Variants in KIF26B observed in about 807,000 individuals in gnomAD.
The protein encoded by KIF26B is kinesin-like protein KIF26B.
In KIF26B, 63 loss-of-function variants were observed where a neutral mutation model predicts 151.2. That is an observed-to-expected ratio of 0.42 (90% CI 0.34 to 0.51). The LOEUF (loss-of-function observed/expected upper bound fraction) is 0.51. Ranked by LOEUF, KIF26B falls within the 20% of genes least tolerant of loss-of-function variation. The pLI is 0.07. For synonymous variants in KIF26B, 1,357 were observed against 1,262.1 expected, an observed-to-expected ratio of 1.08 and a Z score of -1.59; for missense variants, 2,813 against 2,913.6, an observed-to-expected ratio of 0.97 and a Z score of 0.79.
In KIF26B at chr1:245,609,486, C is replaced by T. The variant is rs750519480; in HGVS notation, c.1872C>T (p.Ser624=). 4 of 1,597,064 alleles carry T rather than the reference C, an allele frequency of 2.5e-6. No individual in the cohort carries two copies. Among genetic ancestry groups the T allele is most frequent in the South Asian group, 2.3e-5 (2 of 87,718 alleles). The change falls in exon 8 of 15, where the codon TCC becomes TCT. Residue 624 remains serine (S), a synonymous_variant. Transcript: ENST00000407071. ...CGGGCAGCCTGCAGGACGGCCAGTC[C>T]CCGGGCGTGTACCTCTGTGAGGACC... ...VATGSLQDGQ[S]PGVYLCEDPI...
chr1:245,426,369 T>C (rs887247391), intron 4 of KIF26B, among the ~76,000 whole-genome samples: 3 of 152,132 alleles, frequency 2.0e-5, no homozygotes, highest in African/African-American at 7.2e-5. Flanking sequence ...TCTCATTCCT[T>C]TCTCTGGGAT....
intron 2 of KIF26B, among the ~76,000 whole-genome samples, chr1:245,193,031 A>G (rs2103533831): frequency 6.6e-6 from 1 of 151,970 alleles, no homozygotes; most frequent in East Asian, 1.9e-4. Flanking sequence ...TTTGAGACTC[A>G]CCCTTCTCTT....
At chr1:245,623,528 A>G (rs897032192) in intron 9 of KIF26B, among the ~76,000 whole-genome samples, 3 of 152,200 alleles carry the variant, frequency 2.0e-5, no homozygotes, top group Non-Finnish European at 4.4e-5. Flanking sequence ...TGGGGATATT[A>G]CAAATAAAAG....
In KIF26B at chr1:245,698,780, C is replaced by T. The variant is rs780261922; in HGVS notation, c.6028-107C>T. The T allele has an allele frequency of 4.1e-5, 57 of 1,381,812 alleles. No individual in the cohort carries two copies. Among genetic ancestry groups the T allele is most frequent in the Admixed American group, 9.2e-5 (4 of 43,562 alleles). The allele number at this position is 1,381,812 out of a possible 1,614,324, so 85.6% of individuals were successfully genotyped here. On this transcript the variant is annotated intron_variant, in intron 13 of 14. Coordinates refer to ENST00000407071, the MANE Select transcript of KIF26B (RefSeq NM_018012.4). This position sits in a 1 kb window ranked among gnomAD's most constrained non-coding sequence, Gnocchi z 4.0. The stretch of plus-strand genomic sequence containing the variant: ...GGGGATGACCCATGTCCCTCCCACA[C>T]GTCTCCAAGCCCAGCCTGTTTTCCA...
At chr1:245,531,343 C>T (rs921634913) in intron 4 of KIF26B, among the ~76,000 whole-genome samples, 11 of 152,220 alleles carry the variant, frequency 7.2e-5, no homozygotes, top group South Asian at 2.1e-4. Flanking sequence ...GATGGAAACA[C>T]GAATGCAAGT....
intron 4 of KIF26B, among the ~76,000 whole-genome samples, chr1:245,425,842 C>T (rs2989455): frequency 0.12 from 18,983 of 152,204 alleles, 1,525 homozygotes; most frequent in African/African-American, 0.22. Flanking sequence ...GAGCTGGTAT[C>T]GCCAGTTCCA....
intron 5 of KIF26B, among the ~76,000 whole-genome samples, chr1:245,588,738 G>A (rs1213397814): frequency 6.6e-6 from 1 of 152,196 alleles, no homozygotes; most frequent in African/African-American, 2.4e-5. Flanking sequence ...CATCCTCTGG[G>A]TCTCCTTCCT....
Position 245,686,879 on chromosome 1 carries a change from T to C in KIF26B, c.3896T>C (p.Ile1299Thr). The C allele has an allele frequency of 1.2e-6, 2 of 1,613,586 alleles. No homozygotes were observed. Among genetic ancestry groups the C allele is most frequent in the Middle Eastern group, 1.7e-4 (1 of 6,060 alleles). The change falls in exon 12 of 15, where the codon ATA (isoleucine) becomes ACA (threonine). Residue 1299 changes from isoleucine (I) to threonine (T), a missense_variant. Physicochemically the swap from Ile to Thr is moderately conservative, Grantham distance 89. Transcript: ENST00000407071. The surrounding 1 kb of genome is among the most constrained non-coding windows in gnomAD (Gnocchi z 5.6). ...SEGEQSCHSF[I>T]AQTCFGHGEA... ...GGTGAGCAGTCGTGCCACAGTTTCA[T>C]AGCCCAGACGTGTTTTGGGCACGGG...
At position 245,156,690 on chromosome 1, in the gene KIF26B, G is replaced by A. The variant is rs1668442354; in HGVS notation, c.465+7G>A. Reference sequence around the variant, plus strand: ...GGGGCCCTTCCCGGGCAAGGTGAGCGCCGCGCGGGGCTGGCTGGGGAGGCG... The same window carrying A: ...GGGGCCCTTCCCGGGCAAGGTGAGCACCGCGCGGGGCTGGCTGGGGAGGCG... On this transcript the variant is annotated splice_region_variant and intron_variant, in intron 2 of 14. Transcript: ENST00000407071. 8.8e-6 allele frequency: 13 copies of A among 1,471,344 alleles called. No individual in the cohort carries two copies. The highest frequency in any genetic ancestry group is 1.5e-5 in the African/African-American group (1 of 67,970). 91.1% of individuals were successfully genotyped at this position (1,471,344 alleles called of 1,614,324 possible). A position where few individuals can be genotyped will look rare whatever the true frequency, so the allele number is the denominator to read the frequency against.
rs1409783067 is a variant in KIF26B at position 245,346,821 on chromosome 1, A to G, written c.466-20013A>G. Among the ~76,000 whole-genome samples, 2 of 152,146 alleles carry G rather than the reference A, an allele frequency of 1.3e-5. 1 individual carries two copies. Among genetic ancestry groups the G allele is most frequent in the Non-Finnish European group, 2.9e-5 (2 of 68,032 alleles). ...TCTCCTAAAACCTTGACTGAAAACA[A>G]TTCTTCCACCTCACTGAAGTGCAAA... On this transcript the variant is annotated intron_variant, in intron 2 of 14. Transcript: ENST00000407071.
At chr1:245,293,577 C>A (rs1458264086) in intron 2 of KIF26B, among the ~76,000 whole-genome samples, 7 of 103,872 alleles carry the variant, frequency 6.7e-5, no homozygotes, top group African/African-American at 3.2e-4. Flanking sequence ...TTCTTTCTTT[C>A]CTTTTTTTTT....
At chr1:245,368,408 C>T (rs188326888) in intron 3 of KIF26B, among the ~76,000 whole-genome samples, 51 of 152,260 alleles carry the variant, frequency 3.3e-4, no homozygotes, top group African/African-American at 1.2e-3. Flanking sequence ...CAGCAGAGAG[C>T]ATTGACCGTC....
rs1247558683 is a variant in KIF26B, at chr1:245,563,314, T to A, written c.1350+22364T>A. On this transcript the variant is annotated intron_variant, in intron 5 of 14. Coordinates refer to ENST00000407071, the MANE Select transcript of KIF26B (RefSeq NM_018012.4). The surrounding 1 kb of genome is among the most constrained non-coding windows in gnomAD (Gnocchi z 4.6). ...AACAACCCGTTTCCACCCATTTCTC[T>A]TGTTCCTTCTTATTGCAGTGGGGGA... is the stretch of plus-strand genomic sequence containing the variant. 1.3e-5 allele frequency among the ~76,000 whole-genome samples: 2 copies of A among 152,204 alleles called. No homozygotes were observed. Among genetic ancestry groups the A allele is most frequent in the Non-Finnish European group, 2.9e-5 (2 of 68,038 alleles).
chr1:245,384,185 TTCTCTCCACAGTCACCAAGTCCACTG>T (rs1335602575), intron 3 of KIF26B, among the ~76,000 whole-genome samples: 230 of 152,216 alleles, frequency 1.5e-3, no homozygotes, highest in African/African-American at 5.2e-3. Context: ...GAGGCTGTTT[TTCTCTCCACAGTCACCAAGTCCACTG>T]TCTCTCCACA....
intron 2 of KIF26B, among the ~76,000 whole-genome samples, chr1:245,333,145 G>GT (rs774993917): frequency 1.3e-5 from 2 of 152,150 alleles, no homozygotes; most frequent in Non-Finnish European, 2.9e-5. Flanking sequence ...CCACACCCAT[G>GT]TTCACAGCAC....
At chr1:245,456,943 G>A (rs372753796) in intron 4 of KIF26B, among the ~76,000 whole-genome samples, 19 of 152,178 alleles carry the variant, frequency 1.2e-4, no homozygotes, top group African/African-American at 3.9e-4. Context: ...TTGGCTCACT[G>A]CAACCTTTGT....
intron 5 of KIF26B, among the ~76,000 whole-genome samples, chr1:245,575,267 G>A (rs2043108038): frequency 6.6e-6 from 1 of 151,874 alleles, no homozygotes; most frequent in Non-Finnish European, 1.5e-5. Flanking sequence ...CTGATGTCAG[G>A]AGTTCGAGAC....
chr1:245,245,254 T>C (rs1274554442), intron 2 of KIF26B, among the ~76,000 whole-genome samples: 1 of 152,004 alleles, frequency 6.6e-6, no homozygotes, highest in East Asian at 1.9e-4. Flanking sequence ...CCTGTTTGTC[T>C]CTCTGAGATA....
At chr1:245,640,529 G>A (rs1345032431) in intron 9 of KIF26B, among the ~76,000 whole-genome samples, 3 of 151,802 alleles carry the variant, frequency 2.0e-5, no homozygotes, top group Non-Finnish European at 4.4e-5. Context: ...ATTATTGATA[G>A]GTAAGGCCTT....
Sources: allele counts gnomAD v4.1 joint callset (sites outside exome capture counted in the v4.1 genomes callset), GRCh38; gene constraint gnomAD v4.1.1; non-coding constraint Gnocchi (gnomAD v3.1); transcripts MANE v1.5; gene names NCBI Gene and HGNC (gene_info 2026-07-23, HGNC 2026-07-21).